Variants in CEP135 observed in about 807,000 individuals in gnomAD.
The protein encoded by CEP135 is centrosomal protein of 135 kDa.
CEP135 carries 142 observed loss-of-function variants against 157.3 expected under a neutral mutation model. The observed-to-expected ratio is 0.90, with a 90% CI of 0.79 to 1.04. CEP135 has a LOEUF of 1.04. Among genes scored for constraint, CEP135 ranks in the 50% least tolerant of loss-of-function variants. The probability of loss-of-function intolerance (pLI) is 0.00; values close to 1 mark genes in which losing one functional copy is unlikely to be tolerated. For synonymous variants in CEP135, 396 were observed against 439.8 expected, an observed-to-expected ratio of 0.90 and a Z score of 1.25; for missense variants, 1,317 against 1,309.2, an observed-to-expected ratio of 1.01 and a Z score of -0.09.
Position 55,967,268 on chromosome 4 carries a change from A to T in CEP135, c.1044+1409A>T, listed in dbSNP as rs191624933. ...AGTGGGTTAAAGTGACAAATACACC[A>T]CAAATGTTGATATTTATGAAATAAA... On this transcript the variant is annotated intron_variant, in intron 8 of 25. Coordinates refer to ENST00000257287, the MANE Select transcript of CEP135 (RefSeq NM_025009.5). 3.9e-5 allele frequency among the ~76,000 whole-genome samples: 6 copies of T among 152,324 alleles called. No individual in the cohort carries two copies. The East Asian group carries it at 1.2e-3, about 29-fold the overall frequency.
At position 56,016,495 on chromosome 4, in the gene CEP135, G is replaced by GT. The variant is rs560605730; in HGVS notation, c.2803-1152dup. Among the ~76,000 whole-genome samples, 68 of 151,938 alleles carry GT rather than the reference G, an allele frequency of 4.5e-4. No homozygotes were observed. The South Asian group carries it at 0.014, about 31-fold the overall frequency. On this transcript the variant is annotated intron_variant, in intron 21 of 25. Transcript: ENST00000257287. ...TTGTTCTTTATTATTGTTCATGTTC[G>GT]TATGTGGTATATGAAATTGGCTGTT...
intron 25 of CEP135, among the ~76,000 whole-genome samples, chr4:56,025,146 A>G (rs1283284876): frequency 6.6e-6 from 1 of 152,150 alleles, no homozygotes; most frequent in Admixed American, 6.5e-5. Context: ...TGACAAAGCA[A>G]GCAGCTATCT....
chr4:55,949,691 C>A (rs946571849), intron 1 of CEP135, among the ~76,000 whole-genome samples: 5 of 152,234 alleles, frequency 3.3e-5, no homozygotes, highest in African/African-American at 1.2e-4. Context: ...GATACTTCTA[C>A]ACATATATGT....
At chr4:55,958,110 G>T (rs1728560250) in intron 5 of CEP135, among the ~76,000 whole-genome samples, 1 of 152,150 alleles carries the variant, frequency 6.6e-6, no homozygotes, top group African/African-American at 2.4e-5. Flanking sequence ...AATGTGGGGG[G>T]TTTTATTAAT....
At chr4:55,996,872 T>G (rs1445327904) in intron 15 of CEP135, among the ~76,000 whole-genome samples, 2 of 152,182 alleles carry the variant, frequency 1.3e-5, no homozygotes, top group Non-Finnish European at 2.9e-5. Flanking sequence ...ATGATGGAAA[T>G]AATTACCTTT....
chr4:55,949,459 G>A (rs775365758), intron 1 of CEP135, among the ~76,000 whole-genome samples: 8 of 152,240 alleles, frequency 5.3e-5, no homozygotes, highest in Non-Finnish European at 8.8e-5. Context: ...TAGGACGACA[G>A]CCTTTAATTA....
At chr4:56,027,008 T>C (rs1415646841) in intron 25 of CEP135, among the ~76,000 whole-genome samples, 1 of 152,240 alleles carries the variant, frequency 6.6e-6, no homozygotes, top group Non-Finnish European at 1.5e-5. Context: ...TTTGACGTAC[T>C]GATGCCCTCA....
chr4:56,026,377 G>GT (rs1731159421), intron 25 of CEP135, among the ~76,000 whole-genome samples: 1 of 152,140 alleles, frequency 6.6e-6, no homozygotes, highest in Admixed American at 6.5e-5. Context: ...TGGTCTAAAA[G>GT]TAACTGTCCT....
At chr4:55,981,651 C>T (rs1349720240) in intron 13 of CEP135, among the ~76,000 whole-genome samples, 3 of 152,070 alleles carry the variant, frequency 2.0e-5, no homozygotes, top group Admixed American at 6.6e-5. Flanking sequence ...AAAAAGTTTG[C>T]CAATCCCTGA....
At chr4:55,982,299 G>A (rs1729438750) in intron 13 of CEP135, among the ~76,000 whole-genome samples, 1 of 152,126 alleles carries the variant, frequency 6.6e-6, no homozygotes. Context: ...CTTTTTGTCT[G>A]GATATATATT....
intron 15 of CEP135, among the ~76,000 whole-genome samples, chr4:55,998,548 A>G (rs2109712134): frequency 6.6e-6 from 1 of 152,288 alleles, no homozygotes; most frequent in South Asian, 2.1e-4. Flanking sequence ...CCAAAAAGTC[A>G]GAATAAGAAG....
intron 10 of CEP135, among the ~76,000 whole-genome samples, chr4:55,973,930 C>T (rs1729108066): frequency 6.6e-6 from 1 of 152,170 alleles, no homozygotes; most frequent in Non-Finnish European, 1.5e-5. Context: ...AATCCAGTTG[C>T]CCATTCTTTC....
At chr4:56,021,128 A>G (rs980507012) in intron 24 of CEP135, among the ~76,000 whole-genome samples, 2 of 152,224 alleles carry the variant, frequency 1.3e-5, no homozygotes, top group Non-Finnish European at 2.9e-5. Context: ...CAAAGAGTAT[A>G]GAGAAGCAAC....
At position 55,974,881 on chromosome 4, in the gene CEP135, A is replaced by C; in HGVS notation, c.1385A>C (p.Glu462Ala). The C allele has an allele frequency of 6.2e-7, 1 of 1,613,900 alleles. No individual in the cohort carries two copies. Among genetic ancestry groups the C allele is most frequent in the Non-Finnish European group, 8.5e-7 (1 of 1,179,878 alleles). Residue 462 changes from glutamate (E) to alanine (A), a missense_variant, in exon 11 of 26, where the codon GAG becomes GCG. Coordinates refer to ENST00000257287, the MANE Select transcript of CEP135 (RefSeq NM_025009.5). ...CGAGATTATTATAAGAAAGAGCTAG[A>C]GAGACTCCAACATATAATACAGCGA... ...EERDYYKKEL[E>A]RLQHIIQRRS... is the part of the protein sequence containing the mutation.
intron 8 of CEP135, among the ~76,000 whole-genome samples, chr4:55,967,269 C>CTTT (rs1728872739): frequency 2.6e-5 from 4 of 152,148 alleles, no homozygotes; most frequent in Non-Finnish European, 4.4e-5. Flanking sequence ...AAATACACCA[C>CTTT]AAATGTTGAT....
At chr4:56,005,290 A>T (rs1396906711) in intron 17 of CEP135, among the ~76,000 whole-genome samples, 1 of 152,128 alleles carries the variant, frequency 6.6e-6, no homozygotes, top group African/African-American at 2.4e-5. Context: ...TTAGCTCAGC[A>T]TGGTGGTACC....
intron 17 of CEP135, among the ~76,000 whole-genome samples, chr4:56,003,446 G>T (rs1264246917): frequency 6.6e-6 from 1 of 152,162 alleles, no homozygotes; most frequent in African/African-American, 2.4e-5. Context: ...CTGACCTACT[G>T]ATCCGCCCGC....
intron 6 of CEP135, among the ~76,000 whole-genome samples, chr4:55,963,020 G>A (rs1057363582): frequency 2.6e-5 from 4 of 151,680 alleles, no homozygotes; most frequent in African/African-American, 7.3e-5. Context: ...TTCTGGTTTC[G>A]ACTCCTTTAT....
chr4:56,011,373 G>A lies in CEP135; in HGVS notation c.2506-39G>A, dbSNP rs753167628. 6 of 1,288,436 alleles carry A rather than the reference G, an allele frequency of 4.7e-6. No homozygotes were observed. The African/African-American group carries it at 6.0e-5, about 13-fold the overall frequency. 79.8% of individuals were successfully genotyped at this position (1,288,436 alleles called of 1,614,324 possible). ...ATATAAATAAAATTTATTTGGTGTT[G>A]TGTTCATTTTAGATTGTCTTTAATT... On this transcript the variant is annotated intron_variant, in intron 19 of 25. Coordinates refer to ENST00000257287, the MANE Select transcript of CEP135 (RefSeq NM_025009.5).
Sources: gnomAD v4.1 joint callset for allele counts (sites outside exome capture counted in the v4.1 genomes callset) on GRCh38, gnomAD v4.1.1 for gene constraint, MANE v1.5 for transcripts, NCBI Gene and HGNC (gene_info 2026-07-23, HGNC 2026-07-21) for gene names.